Variants in SH3BGR observed in about 807,000 individuals in gnomAD.
SH3BGR encodes the protein SH3 domain-binding glutamic acid-rich protein.
SH3BGR carries 29 observed loss-of-function variants against 24.5 expected under a neutral mutation model. The ratio of observed to expected loss-of-function variants is 1.18; its 90% confidence interval spans 0.88 to 1.61. The LOEUF (loss-of-function observed/expected upper bound fraction) is 1.61. Among genes scored for constraint, SH3BGR ranks in the 40% most tolerant of loss-of-function variants. The pLI is 0.00. For missense variants in SH3BGR, 162 were observed against 205.8 expected (o/e 0.79, Z 1.30); for synonymous variants, 55 against 65.7 (o/e 0.84, Z 0.79).
intron 2 of SH3BGR, among the ~76,000 whole-genome samples, chr21:39,463,008 T>TGA (rs1388773752): frequency 6.6e-6 from 1 of 152,144 alleles, no homozygotes; most frequent in East Asian, 1.9e-4. Context: ...TTCAGCCTCT[T>TGA]GAGTAGCTGG....
At chr21:39,448,841 G>T (rs986420275), upstream of SH3BGR, among the ~76,000 whole-genome samples, 2 of 152,098 alleles carry the variant, frequency 1.3e-5, no homozygotes, top group African/African-American at 4.8e-5. Context: ...AACTGACCCC[G>T]ATAGACTGCC....
In SH3BGR at chr21:39,472,472, G is replaced by A. The variant is rs867513840; in HGVS notation, c.232-2663G>A. ...AGTTTCCAACACAAGCTTTTTGGCG[G>A]AGACATTCAAATCACAGCAGCGGAT... On this transcript the variant is annotated intron_variant, in intron 2 of 6. Transcript: ENST00000333634. Among the ~76,000 whole-genome samples, 38 of 152,352 alleles carry A rather than the reference G, an allele frequency of 2.5e-4. No homozygotes were observed. In the Middle Eastern group the frequency reaches 0.02, roughly 82 times the overall value.
At chr21:39,478,312 G>A (rs955407804) in intron 3 of SH3BGR, among the ~76,000 whole-genome samples, 2 of 152,120 alleles carry the variant, frequency 1.3e-5, no homozygotes, top group Admixed American at 6.5e-5. Context: ...CAGGCTGGAC[G>A]TTGCTGCACC....
chr21:39,490,318 T>A (rs8128795), intron 3 of SH3BGR, among the ~76,000 whole-genome samples: 84,612 of 152,014 alleles, frequency 0.56, 23,939 homozygotes, highest in East Asian at 0.68. Context: ...AGCAGAAGCA[T>A]TTGAACTAAC....
chr21:39,508,743 A>T (rs1310933912), intron 4 of SH3BGR, among the ~76,000 whole-genome samples: 1 of 152,204 alleles, frequency 6.6e-6, no homozygotes, highest in Non-Finnish European at 1.5e-5. Flanking sequence ...TAATAATTAC[A>T]TTTTCTCAGG....
chr21:39,491,367 C>T (rs2078296378), intron 3 of SH3BGR, among the ~76,000 whole-genome samples: 1 of 151,936 alleles, frequency 6.6e-6, no homozygotes, highest in Admixed American at 6.6e-5. Context: ...CCAGACTGGT[C>T]TTGAACTCCT....
Position 39,511,870 on chromosome 21 carries a change from C to T in SH3BGR, c.*34+61C>T, listed in dbSNP as rs1036163286. The T allele has an allele frequency of 6.8e-7, 1 of 1,462,040 alleles. No individual in the cohort carries two copies. Among genetic ancestry groups the T allele is most frequent in the Non-Finnish European group, 9.1e-7 (1 of 1,096,138 alleles). The allele number at this position is 1,462,040 out of a possible 1,614,324, so 90.6% of individuals were successfully genotyped here. The stretch of plus-strand genomic sequence containing the variant: ...TTACCGTACTGTATGCTATCTGCGG[C>T]ACATTTTGCTTAGTAACAGGAGAAA... On this transcript the variant is annotated intron_variant, in intron 6 of 6. Transcript: ENST00000333634. This position sits in a 1 kb window ranked among gnomAD's most constrained non-coding sequence, Gnocchi z 4.2.
intron 2 of SH3BGR, among the ~76,000 whole-genome samples, chr21:39,469,405 C>A (rs984292770): frequency 2.0e-5 from 3 of 151,302 alleles, no homozygotes; most frequent in Non-Finnish European, 4.4e-5. Flanking sequence ...TCTCTCTATA[C>A]TTATATCTTT....
chr21:39,488,954 C>T (rs1470966220), intron 3 of SH3BGR, among the ~76,000 whole-genome samples: 1 of 152,096 alleles, frequency 6.6e-6, no homozygotes, highest in Non-Finnish European at 1.5e-5. Flanking sequence ...TTCTCTGTTC[C>T]CCCCAACCCA....
intron 4 of SH3BGR, among the ~76,000 whole-genome samples, chr21:39,503,637 A>C (rs1294062290): frequency 6.6e-6 from 1 of 152,232 alleles, no homozygotes; most frequent in Non-Finnish European, 1.5e-5. Context: ...TTTAATGGAG[A>C]GGAATATTTA....
Position 39,510,365 on chromosome 21 carries a change from T to TACACAC in SH3BGR, c.436-1294_436-1289dup, listed in dbSNP as rs34333255. Among the ~76,000 whole-genome samples the TACACAC allele has an allele frequency of 4.6e-3, 529 of 115,808 alleles. 14 individuals carry two copies. The East Asian group carries it at 0.053, about 12-fold the overall frequency. The allele number at this position is 115,808 out of a possible 152,430, so 76.0% of individuals were successfully genotyped here. A position where few individuals can be genotyped will look rare whatever the true frequency, so the allele number is the denominator to read the frequency against. ...CCCAGAGATAACCACTGTAGCTACA[T>TACACAC]ACACACACACACACACACACACACA... On this transcript the variant is annotated intron_variant, in intron 5 of 6. Transcript: ENST00000333634.
intron 2 of SH3BGR, among the ~76,000 whole-genome samples, chr21:39,464,999 A>AAG (rs1283687809): frequency 1.3e-5 from 2 of 152,112 alleles, no homozygotes; most frequent in Non-Finnish European, 2.9e-5. Context: ...TTATTTATTT[A>AAG]AGAGAGAGAG....
upstream of SH3BGR, among the ~76,000 whole-genome samples, chr21:39,447,928 C>G (rs934844410): frequency 1.3e-5 from 2 of 152,208 alleles, no homozygotes; most frequent in Non-Finnish European, 2.9e-5. Context: ...TATCTTCTCA[C>G]ATTTCTGGAG....
chr21:39,451,800 C>A, upstream of SH3BGR: 2 of 1,234,990 alleles, frequency 1.6e-6, no homozygotes, highest in African/African-American at 1.5e-5. Flanking sequence ...TGTTGTCGCG[C>A]GTTTAAAGTG....
chr21:39,500,819 C>T (rs1345062714), intron 4 of SH3BGR, among the ~76,000 whole-genome samples: 2 of 152,114 alleles, frequency 1.3e-5, no homozygotes, highest in Non-Finnish European at 2.9e-5. Flanking sequence ...GAGACCCACA[C>T]CCACGCTATG....
rs191126377 is a variant in SH3BGR at position 39,468,439 on chromosome 21, C to A, written c.231+5879C>A. Among the ~76,000 whole-genome samples the A allele has an allele frequency of 1.8e-3, 280 of 152,254 alleles. 2 individuals carry two copies. The highest frequency in any genetic ancestry group is 3.2e-3 in the Non-Finnish European group (218 of 68,022). On this transcript the variant is annotated intron_variant, in intron 2 of 6. Transcript: ENST00000333634. ...CTGATCCCATCCCTTCCCCTCTGCA[C>A]CAGTGATAGTCATTGGAAAGAAAGG... is the stretch of plus-strand genomic sequence containing the variant.
At chr21:39,508,144 C>T (rs2078614870) in intron 4 of SH3BGR, among the ~76,000 whole-genome samples, 1 of 152,174 alleles carries the variant, frequency 6.6e-6, no homozygotes, top group African/African-American at 2.4e-5. Flanking sequence ...TGCAAGATCA[C>T]ATTCAGTGCC....
At chr21:39,458,739 G>A (rs1036599456) in intron 1 of SH3BGR, among the ~76,000 whole-genome samples, 3 of 150,438 alleles carry the variant, frequency 2.0e-5, no homozygotes, top group South Asian at 2.1e-4. Flanking sequence ...CTCTGCCTCC[G>A]GGGTTCAAGT....
At chr21:39,465,989 C>G (rs757576378) in intron 2 of SH3BGR, among the ~76,000 whole-genome samples, 3 of 152,212 alleles carry the variant, frequency 2.0e-5, no homozygotes, top group Non-Finnish European at 4.4e-5. Context: ...CAGCCTCTCC[C>G]CCTTACAAAC....
Sources: allele counts gnomAD v4.1 joint callset (sites outside exome capture counted in the v4.1 genomes callset), GRCh38; gene constraint gnomAD v4.1.1; non-coding constraint Gnocchi (gnomAD v3.1); transcripts MANE v1.5; gene names NCBI Gene and HGNC (gene_info 2026-07-23, HGNC 2026-07-21).